Variants in RBFOX3 observed in about 807,000 individuals in gnomAD.
The protein encoded by RBFOX3 is RNA binding protein fox-1 homolog 3.
A neutral mutation model predicts 48.7 loss-of-function variants in RBFOX3; 17 were observed. That is an observed-to-expected ratio of 0.35 (90% CI 0.24 to 0.52). The LOEUF is 0.52. Among genes scored for constraint, RBFOX3 ranks in the 20% least tolerant of loss-of-function variants. The probability of loss-of-function intolerance (pLI) is 0.94; values close to 1 mark genes in which losing one functional copy is unlikely to be tolerated. For synonymous variants in RBFOX3, 212 were observed against 209.5 expected (o/e 1.01, Z -0.10); for missense variants, 382 against 497.5 (o/e 0.77, Z 2.21).
At chr17:79,322,330 A>G (rs1412788341) in intron 2 of RBFOX3, among the ~76,000 whole-genome samples, 1 of 152,176 alleles carries the variant, frequency 6.6e-6, no homozygotes, top group East Asian at 1.9e-4. Flanking sequence ...GGGGCTACGC[A>G]CTCCGAACTG....
At chr17:79,641,613 T>C in the RBFOX3 span, among the ~76,000 whole-genome samples, 1 of 152,328 alleles carries the variant, frequency 6.6e-6, no homozygotes, top group South Asian at 2.1e-4. Context: ...TAGAAAACTA[T>C]TCAGCCTTTA....
At chr17:79,146,024 T>C (rs1008996178) in intron 4 of RBFOX3, among the ~76,000 whole-genome samples, 83 of 152,286 alleles carry the variant, frequency 5.5e-4, no homozygotes, top group African/African-American at 2.0e-3. Context: ...CCCTTGCACG[T>C]GCAGTTCACA....
intron 2 of RBFOX3, among the ~76,000 whole-genome samples, chr17:79,389,993 AGGTCTCCGC>A (rs2061142172): frequency 6.7e-5 from 1 of 14,966 alleles, no homozygotes; most frequent in African/African-American, 5.2e-4. Context: ...CGCAGCCTCC[AGGTCTCCGC>A]AGCCTCCAGG....
In RBFOX3 at chr17:79,482,365, T is replaced by A. The variant is rs905727160; in HGVS notation, c.-175+89A>T. ...AACGCCCCTACCCCACAACCCTTGC[T>A]GGAAAATCAAATCACCGCATTAAAA... On this transcript the variant is annotated intron_variant, in intron 2 of 14. Transcript: ENST00000693108. The surrounding 1 kb of genome is among the most constrained non-coding windows in gnomAD (Gnocchi z 4.1). 1 of 152,266 alleles carries A rather than the reference T, an allele frequency of 6.6e-6. No individual in the cohort carries two copies. The highest frequency in any genetic ancestry group is 1.5e-5 in the Non-Finnish European group (1 of 68,070). 9.4% of individuals were successfully genotyped at this position (152,266 alleles called of 1,614,324 possible).
chr17:79,284,330 C>T (rs2071333401), intron 3 of RBFOX3, among the ~76,000 whole-genome samples: 1 of 151,998 alleles, frequency 6.6e-6, no homozygotes, highest in Admixed American at 6.5e-5. Flanking sequence ...AGAGTAAAAC[C>T]TAGGTTACAA....
In RBFOX3 at chr17:79,103,655, C is replaced by T. The variant is rs1409962949; in HGVS notation, c.415-401G>A. ...CCTGCAGGGGCAGCCCACCCATCTCCACCCTCGGAGCCCAGGGTAGAGGGT... is the reference window on the plus strand; with the variant it reads ...CCTGCAGGGGCAGCCCACCCATCTCTACCCTCGGAGCCCAGGGTAGAGGGT... On this transcript the variant is annotated intron_variant, in intron 7 of 14. Transcript: ENST00000693108. The surrounding 1 kb of genome is among the most constrained non-coding windows in gnomAD (Gnocchi z 6.1). 1.3e-5 allele frequency among the ~76,000 whole-genome samples: 2 copies of T among 152,126 alleles called. No individual in the cohort carries two copies. Among genetic ancestry groups the T allele is most frequent in the Admixed American group, 6.5e-5 (1 of 15,290 alleles).
intron 4 of RBFOX3, among the ~76,000 whole-genome samples, chr17:79,168,148 A>G (rs547143705): frequency 6.6e-6 from 1 of 152,290 alleles, no homozygotes; most frequent in East Asian, 1.9e-4. Context: ...CTCGTTCGGG[A>G]GGTCCATCCC....
rs2031224957 is a variant in RBFOX3 at position 79,111,118 on chromosome 17, C to A, written c.223-4330G>T. ...GCGGGAGTTTCCGAGGAGGCTCAGGCCCGACGGACAGCAGAAAGGACAGAG... is the reference window on the plus strand; with the variant it reads ...GCGGGAGTTTCCGAGGAGGCTCAGGACCGACGGACAGCAGAAAGGACAGAG... On this transcript the variant is annotated intron_variant, in intron 5 of 14. Transcript: ENST00000693108. The surrounding 1 kb of genome is among the most constrained non-coding windows in gnomAD (Gnocchi z 4.2). 6.6e-6 allele frequency among the ~76,000 whole-genome samples: 1 copy of A among 152,250 alleles called. No homozygotes were observed. The highest frequency in any genetic ancestry group is 2.4e-5 in the African/African-American group (1 of 41,474).
chr17:79,661,207 C>A, the RBFOX3 span, among the ~76,000 whole-genome samples: 1 of 152,118 alleles, frequency 6.6e-6, no homozygotes, highest in Non-Finnish European at 1.5e-5. Context: ...AGCTGTGCAG[C>A]AAACTACCAC....
Position 79,258,856 on chromosome 17 carries a change from G to C in RBFOX3, c.-73-23051C>G, listed in dbSNP as rs1273279389. On this transcript the variant is annotated intron_variant, in intron 3 of 14. Transcript: ENST00000693108. Reference sequence around the variant, plus strand: ...GAGGGTCCTGCACCTGGGCCACCTTGTACTTGACCCGGCTATCACAGTCCA... The same window carrying C: ...GAGGGTCCTGCACCTGGGCCACCTTCTACTTGACCCGGCTATCACAGTCCA... 2.0e-5 allele frequency among the ~76,000 whole-genome samples: 3 copies of C among 152,198 alleles called. No individual in the cohort carries two copies. In the South Asian group the frequency reaches 6.2e-4, roughly 31 times the overall value.
intron 4 of RBFOX3, among the ~76,000 whole-genome samples, chr17:79,229,980 C>T (rs937234396): frequency 1.3e-5 from 2 of 152,158 alleles, no homozygotes; most frequent in Non-Finnish European, 2.9e-5. Flanking sequence ...AGATGCTGTG[C>T]CCAGATAAAG....
chr17:79,207,453 C>G (rs1195935974), intron 4 of RBFOX3, among the ~76,000 whole-genome samples: 2 of 152,214 alleles, frequency 1.3e-5, no homozygotes, highest in African/African-American at 4.8e-5. Flanking sequence ...TGCTCCACCC[C>G]TAGCGAGGCC....
rs1349668952 is a variant in RBFOX3 at position 79,242,941 on chromosome 17, C to T, written c.-73-7136G>A. The stretch of plus-strand genomic sequence containing the variant: ...TGTGCTCCAGTGGGGCCTTACTCCT[C>T]CTCTGCCTGCGTGGACACTGCTGTG... On this transcript the variant is annotated intron_variant, in intron 3 of 14. Transcript: ENST00000693108. The surrounding 1 kb of genome is among the most constrained non-coding windows in gnomAD (Gnocchi z 5.8). Among the ~76,000 whole-genome samples the T allele has an allele frequency of 1.4e-4, 21 of 152,194 alleles. 1 individual carries two copies. The highest frequency in any genetic ancestry group is 1.4e-3 in the Admixed American group (21 of 15,284).
At chr17:79,511,131 T>C (rs1422298751) in intron 1 of RBFOX3, among the ~76,000 whole-genome samples, 1 of 152,122 alleles carries the variant, frequency 6.6e-6, no homozygotes, top group African/African-American at 2.4e-5. Flanking sequence ...GAACAACTGC[T>C]TGGCTGGCAG....
chr17:79,371,027 T>C (rs1355641224), intron 2 of RBFOX3, among the ~76,000 whole-genome samples: 1 of 152,076 alleles, frequency 6.6e-6, no homozygotes, highest in Non-Finnish European at 1.5e-5. Flanking sequence ...AAGGGGGACA[T>C]GCACGGCAGG....
At chr17:79,606,153 G>C (rs1031876640) in intron 1 of RBFOX3, among the ~76,000 whole-genome samples, 1 of 152,198 alleles carries the variant, frequency 6.6e-6, no homozygotes, top group Admixed American at 6.5e-5. Context: ...CTAGAGACCA[G>C]GAAGAAACCA....
At chr17:79,641,828 T>C in the RBFOX3 span, among the ~76,000 whole-genome samples, 1 of 152,152 alleles carries the variant, frequency 6.6e-6, no homozygotes, top group African/African-American at 2.4e-5. Flanking sequence ...TGATAATGAG[T>C]TCTCATGAGA....
chr17:79,284,543 C>CTTTTTT lies in RBFOX3; in HGVS notation c.-74+23175_-74+23180dup, dbSNP rs55731401. 1.2e-3 allele frequency among the ~76,000 whole-genome samples: 158 copies of CTTTTTT among 135,784 alleles called. 5 individuals are homozygous for CTTTTTT. Among genetic ancestry groups the CTTTTTT allele is most frequent in the African/African-American group, 3.5e-3 (125 of 35,424 alleles). The allele number at this position is 135,784 out of a possible 152,430, so 89.1% of individuals were successfully genotyped here. A position where few individuals can be genotyped will look rare whatever the true frequency, so the allele number is the denominator to read the frequency against. On this transcript the variant is annotated intron_variant, in intron 3 of 14. Transcript: ENST00000693108. ...AAGCAGGCTTGGGGGAAGAGACTCG[C>CTTTTTT]TTTTTTTTTTTGACATGGAGTTTTG...
chr17:79,489,823 G>T (rs2080230906), intron 1 of RBFOX3, among the ~76,000 whole-genome samples: 1 of 151,974 alleles, frequency 6.6e-6, no homozygotes, highest in Non-Finnish European at 1.5e-5. Context: ...TACCTTTCAG[G>T]GCTGCTGGCT....
Sources: allele counts gnomAD v4.1 joint callset (sites outside exome capture counted in the v4.1 genomes callset), GRCh38; gene constraint gnomAD v4.1.1; non-coding constraint Gnocchi (gnomAD v3.1); transcripts MANE v1.5; gene names NCBI Gene and HGNC (gene_info 2026-07-23, HGNC 2026-07-21).